The following GALNT13 variants were observed in gnomAD, a reference collection of about 807,000 sequenced individuals.
GALNT13 encodes the protein polypeptide N-acetylgalactosaminyltransferase 13.
A neutral mutation model predicts 64.2 loss-of-function variants in GALNT13; 28 were observed. The observed-to-expected ratio is 0.44, with a 90% CI of 0.32 to 0.60. The LOEUF is 0.60. Among genes scored for constraint, GALNT13 ranks in the 20% least tolerant of loss-of-function variants. GALNT13 has a pLI of 0.05. For synonymous variants in GALNT13, 214 were observed against 224.6 expected (o/e 0.95, Z 0.42); for missense variants, 577 against 669.8 (o/e 0.86, Z 1.53).
chr2:153,758,264 C>G, the GALNT13 span, among the ~76,000 whole-genome samples: 1 of 150,756 alleles, frequency 6.6e-6, no homozygotes, highest in Non-Finnish European at 1.5e-5. Flanking sequence ...GTGTTTTAGA[C>G]ACCTTTATCA....
chr2:154,191,863 CTG>C (rs968236523), intron 4 of GALNT13, among the ~76,000 whole-genome samples: 3 of 152,118 alleles, frequency 2.0e-5, no homozygotes, highest in African/African-American at 7.2e-5. Context: ...CCGCTGTTGG[CTG>C]TGTTTATCAG....
the GALNT13 span, among the ~76,000 whole-genome samples, chr2:153,506,686 T>C: frequency 1.4e-4 from 22 of 151,974 alleles, no homozygotes; most frequent in African/African-American, 5.1e-4. Context: ...TTCTAGCTTG[T>C]AGGGTTTCTG....
intron 3 of GALNT13, among the ~76,000 whole-genome samples, chr2:153,973,906 T>C (rs772825521): frequency 6.6e-6 from 1 of 152,074 alleles, no homozygotes; most frequent in Non-Finnish European, 1.5e-5. Flanking sequence ...TGATGATGGC[T>C]ATGAACATTG....
the GALNT13 span, among the ~76,000 whole-genome samples, chr2:153,701,939 A>G: frequency 6.6e-6 from 1 of 152,224 alleles, no homozygotes; most frequent in Non-Finnish European, 1.5e-5. Flanking sequence ...TCAAGGATCT[A>G]GAACAAGAAA....
the GALNT13 span, among the ~76,000 whole-genome samples, chr2:153,250,274 A>G: frequency 1.3e-5 from 2 of 152,160 alleles, no homozygotes; most frequent in Admixed American, 6.6e-5. Flanking sequence ...GCAACAAAAT[A>G]TGGAAAAAAG....
chr2:153,633,927 A>G, the GALNT13 span, among the ~76,000 whole-genome samples: 1 of 152,208 alleles, frequency 6.6e-6, no homozygotes, highest in African/African-American at 2.4e-5. Flanking sequence ...TTCTTTTAAT[A>G]ATTTCCGATG....
the GALNT13 span, among the ~76,000 whole-genome samples, chr2:153,628,549 G>A: frequency 6.6e-6 from 1 of 151,798 alleles, no homozygotes; most frequent in Non-Finnish European, 1.5e-5. Context: ...AGAGTTTTTA[G>A]CATGAAGGGT....
chr2:154,160,680 A>G (rs1684678556), intron 4 of GALNT13, among the ~76,000 whole-genome samples: 1 of 152,190 alleles, frequency 6.6e-6, no homozygotes, highest in African/African-American at 2.4e-5. Context: ...TGAGATGCTG[A>G]TCTCTTAAAA....
At chr2:153,120,802 C>T in the GALNT13 span, among the ~76,000 whole-genome samples, 5 of 152,066 alleles carry the variant, frequency 3.3e-5, no homozygotes, top group Admixed American at 2.6e-4. Context: ...GAGTAGAACC[C>T]CTCCTTCTTT....
the GALNT13 span, among the ~76,000 whole-genome samples, chr2:153,584,149 C>T: frequency 6.6e-6 from 1 of 152,128 alleles, no homozygotes; most frequent in Non-Finnish European, 1.5e-5. Flanking sequence ...ACCACCCTCC[C>T]CATGCTAAGA....
chr2:153,919,979 A>G (rs987162323), intron 2 of GALNT13, among the ~76,000 whole-genome samples: 6 of 148,262 alleles, frequency 4.0e-5, no homozygotes, highest in African/African-American at 1.5e-4. Flanking sequence ...TATATAATAC[A>G]GTTATATTAT....
At chr2:153,654,571 C>G in the GALNT13 span, among the ~76,000 whole-genome samples, 1 of 151,980 alleles carries the variant, frequency 6.6e-6, no homozygotes, top group African/African-American at 2.4e-5. Flanking sequence ...AGTGTAGTAT[C>G]TCTCCATCCA....
intron 2 of GALNT13, among the ~76,000 whole-genome samples, chr2:153,939,385 A>G (rs769038273): frequency 3.3e-5 from 5 of 152,220 alleles, no homozygotes; most frequent in Non-Finnish European, 7.3e-5. Context: ...CATGAAGTAG[A>G]AGCTCTCTTA....
chr2:153,833,633 A>G, the GALNT13 span, among the ~76,000 whole-genome samples: 2 of 152,164 alleles, frequency 1.3e-5, no homozygotes, highest in African/African-American at 4.8e-5. Flanking sequence ...CATGATGTAC[A>G]TACGGTTCAG....
At chr2:153,611,283 C>T in the GALNT13 span, among the ~76,000 whole-genome samples, 1 of 152,080 alleles carries the variant, frequency 6.6e-6, no homozygotes, top group East Asian at 1.9e-4. Context: ...TTAAATTGCC[C>T]AACTCAGCAT....
the GALNT13 span, among the ~76,000 whole-genome samples, chr2:153,677,967 C>T: frequency 2.0e-5 from 3 of 151,710 alleles, no homozygotes; most frequent in Non-Finnish European, 2.9e-5. Flanking sequence ...GGACATAGGT[C>T]CCAGCAAAGA....
chr2:153,507,897 A>G, the GALNT13 span, among the ~76,000 whole-genome samples: 13 of 152,042 alleles, frequency 8.6e-5, no homozygotes, highest in Admixed American at 1.3e-4. Context: ...TCCCTTAGGG[A>G]TGGGGCTTCC....
At chr2:154,192,293 T>G (rs1686635257) in intron 4 of GALNT13, among the ~76,000 whole-genome samples, 1 of 152,132 alleles carries the variant, frequency 6.6e-6, no homozygotes, top group African/African-American at 2.4e-5. Context: ...AGGCACAGGA[T>G]GGGGGTGTGA....
the GALNT13 span, among the ~76,000 whole-genome samples, chr2:153,820,449 C>T: frequency 1.7e-3 from 251 of 152,024 alleles, 1 homozygote; most frequent in African/African-American, 5.5e-3. Context: ...AGGTCAATGC[C>T]AAAGAAAAAA....
Sources: gnomAD v4.1 joint callset for allele counts (sites outside exome capture counted in the v4.1 genomes callset) on GRCh38, gnomAD v4.1.1 for gene constraint, MANE v1.5 for transcripts, NCBI Gene and HGNC (gene_info 2026-07-23, HGNC 2026-07-21) for gene names.